Variants in RSRC1 observed in about 807,000 individuals in gnomAD.
RSRC1 encodes arginine and serine rich coiled-coil 1, also known as serine/Arginine-related protein 53.
In RSRC1, 39 loss-of-function variants were observed where a neutral mutation model predicts 49.1. That is an observed-to-expected ratio of 0.79 (90% CI 0.61 to 1.04). The LOEUF (loss-of-function observed/expected upper bound fraction) is 1.04, where lower values mean the gene tolerates loss of function less well. Ranked by LOEUF, RSRC1 falls within the 50% of genes least tolerant of loss-of-function variation. RSRC1 has a pLI of 0.00. For synonymous variants in RSRC1, 143 were observed against 130.8 expected (o/e 1.09, Z -0.63); for missense variants, 388 against 402.4 (o/e 0.96, Z 0.31).
intron 3 of RSRC1, among the ~76,000 whole-genome samples, chr3:158,176,185 A>G (rs1048715414): frequency 6.6e-6 from 1 of 152,198 alleles, no homozygotes; most frequent in Non-Finnish European, 1.5e-5. Flanking sequence ...TTCCATGCTA[A>G]TGGATAGGAG....
chr3:158,432,800 G>A (rs976659246), intron 6 of RSRC1, among the ~76,000 whole-genome samples: 5 of 151,676 alleles, frequency 3.3e-5, no homozygotes, highest in Non-Finnish European at 7.4e-5. Flanking sequence ...ATAATTTGTA[G>A]CATTGACATC....
chr3:158,360,086 C>T (rs1239535488), intron 6 of RSRC1, among the ~76,000 whole-genome samples: 1 of 151,970 alleles, frequency 6.6e-6, no homozygotes, highest in African/African-American at 2.4e-5. Context: ...GAGAGAAGGC[C>T]CTGGAGTGGA....
At chr3:158,433,510 T>C (rs528803706) in intron 6 of RSRC1, among the ~76,000 whole-genome samples, 9 of 152,118 alleles carry the variant, frequency 5.9e-5, no homozygotes, top group African/African-American at 2.2e-4. Context: ...GAGGCTGCTC[T>C]TGGCCAAAGG....
intron 4 of RSRC1, among the ~76,000 whole-genome samples, chr3:158,239,467 C>G (rs933120895): frequency 1.1e-4 from 16 of 150,544 alleles, no homozygotes; most frequent in Admixed American, 6.7e-4. Context: ...AAATGTCCAT[C>G]AGAAATAGAC....
At chr3:158,323,962 GA>G (rs1728916148) in intron 5 of RSRC1, among the ~76,000 whole-genome samples, 1 of 144,870 alleles carries the variant, frequency 6.9e-6, no homozygotes, top group African/African-American at 2.5e-5. Flanking sequence ...GAGAGAGACA[GA>G]GAATCAACAG....
chr3:158,413,686 A>G (rs573824723), intron 6 of RSRC1, among the ~76,000 whole-genome samples: 1 of 152,304 alleles, frequency 6.6e-6, no homozygotes, highest in Non-Finnish European at 1.5e-5. Flanking sequence ...GGACATGAAC[A>G]GATACTTCTC....
chr3:158,295,090 A>G (rs1727160792), intron 4 of RSRC1, among the ~76,000 whole-genome samples: 1 of 152,174 alleles, frequency 6.6e-6, no homozygotes. Context: ...CAGTTCTGTG[A>G]TGGGACATGC....
At chr3:158,360,712 C>A (rs1477697068) in intron 6 of RSRC1, among the ~76,000 whole-genome samples, 3 of 152,220 alleles carry the variant, frequency 2.0e-5, no homozygotes, top group Non-Finnish European at 2.9e-5. Flanking sequence ...CAACCCTGCT[C>A]TGAGATTGGA....
intron 7 of RSRC1, among the ~76,000 whole-genome samples, chr3:158,474,152 A>G (rs1377066389): frequency 6.6e-6 from 1 of 152,124 alleles, no homozygotes; most frequent in Non-Finnish European, 1.5e-5. Context: ...ATGAAGCCAA[A>G]TCTGGCTTCA....
intron 5 of RSRC1, among the ~76,000 whole-genome samples, chr3:158,332,971 GTTT>G (rs371669802): frequency 7.3e-6 from 1 of 136,124 alleles, no homozygotes; most frequent in Non-Finnish European, 1.6e-5. Context: ...TCTGTTTTTT[GTTT>G]TTTTTTTTTT....
At chr3:158,256,987 G>T (rs1400164261) in intron 4 of RSRC1, among the ~76,000 whole-genome samples, 1 of 151,940 alleles carries the variant, frequency 6.6e-6, no homozygotes, top group Non-Finnish European at 1.5e-5. Flanking sequence ...CTTGCTAGTG[G>T]TCTGTCAATT....
chr3:158,231,507 AC>A (rs1722955396), intron 4 of RSRC1, among the ~76,000 whole-genome samples: 1 of 152,020 alleles, frequency 6.6e-6, no homozygotes, highest in African/African-American at 2.4e-5. Context: ...TGAATAAATG[AC>A]TTTTATTTGA....
At position 158,284,037 on chromosome 3, in the gene RSRC1, C is replaced by T. The variant is rs1726347398; in HGVS notation, c.495-14002C>T. 2.0e-5 allele frequency among the ~76,000 whole-genome samples: 3 copies of T among 150,616 alleles called. No individual in the cohort carries two copies. In the South Asian group the frequency reaches 6.4e-4, roughly 32 times the overall value. ...GGTATATCTCCTAATGCTATCCCTC[C>T]CCCCTTCCCCCCACCCCACAACAGT... On this transcript the variant is annotated intron_variant, in intron 4 of 9. Transcript: ENST00000611884.
At chr3:158,427,860 T>G (rs1735543846) in intron 6 of RSRC1, among the ~76,000 whole-genome samples, 1 of 151,788 alleles carries the variant, frequency 6.6e-6, no homozygotes, top group Non-Finnish European at 1.5e-5. Context: ...TATTGTTGAG[T>G]ATTTATATTA....
At chr3:158,525,144 T>C (rs1309185337) in intron 7 of RSRC1, among the ~76,000 whole-genome samples, 1 of 151,976 alleles carries the variant, frequency 6.6e-6, no homozygotes, top group Non-Finnish European at 1.5e-5. Context: ...AGTCATAGAA[T>C]GGAAGCAAAT....
rs145323383 is a variant in RSRC1, at chr3:158,404,264, A to G, written c.583+49356A>G. ...TGAATTTGAATATCACACTGATCCT[A>G]ACTTAGAGCACATTCATTTTCTCTT... On this transcript the variant is annotated intron_variant, in intron 6 of 9. Coordinates refer to ENST00000611884, the MANE Select transcript of RSRC1 (RefSeq NM_001271838.2). 3.1e-4 allele frequency among the ~76,000 whole-genome samples: 47 copies of G among 151,998 alleles called. 1 individual carries two copies. The highest frequency in any genetic ancestry group is 3.4e-3 in the Middle Eastern group (1 of 294).
At chr3:158,229,957 G>GCAGT (rs756910462) in intron 4 of RSRC1, among the ~76,000 whole-genome samples, 9 of 151,980 alleles carry the variant, frequency 5.9e-5, no homozygotes, top group Non-Finnish European at 8.8e-5. Context: ...TCATAGTCCA[G>GCAGT]CAGTCCATGG....
rs574670960 is a variant in RSRC1, at chr3:158,410,032, T to C, written c.584-50903T>C. On this transcript the variant is annotated intron_variant, in intron 6 of 9. Transcript: ENST00000611884. The stretch of plus-strand genomic sequence containing the variant: ...ACATTTGTGAAAGGATATAGGAAAG[T>C]TTTACAGTCATAGTCTCATACATTC... Among the ~76,000 whole-genome samples, 5 of 152,216 alleles carry C rather than the reference T, an allele frequency of 3.3e-5. No individual in the cohort carries two copies. The East Asian group carries it at 9.7e-4, about 29-fold the overall frequency.
At chr3:158,416,745 G>GT (rs1734756135) in intron 6 of RSRC1, among the ~76,000 whole-genome samples, 1 of 151,982 alleles carries the variant, frequency 6.6e-6, no homozygotes, top group Non-Finnish European at 1.5e-5. Context: ...GTTTGGGTTG[G>GT]TATATTCCAA....
Sources: allele counts gnomAD v4.1 joint callset (sites outside exome capture counted in the v4.1 genomes callset), GRCh38; gene constraint gnomAD v4.1.1; transcripts MANE v1.5; gene names NCBI Gene and HGNC (gene_info 2026-07-23, HGNC 2026-07-21).